AGPAT1: variants seen among roughly 807,000 people sequenced by gnomAD.
AGPAT1 encodes the protein 1-acyl-sn-glycerol-3-phosphate acyltransferase alpha.
Under a neutral mutation model 31.2 loss-of-function variants are expected in AGPAT1, and 6 were observed. The observed-to-expected ratio is 0.19, with a 90% CI of 0.11 to 0.38. The LOEUF (loss-of-function observed/expected upper bound fraction) is 0.38, where lower values mean the gene tolerates loss of function less well. Among genes scored for constraint, AGPAT1 ranks in the 10% least tolerant of loss-of-function variants. The pLI is 1.00. For synonymous variants in AGPAT1, 139 were observed against 154.0 expected (o/e 0.90, Z 0.72); for missense variants, 187 against 377.8 (o/e 0.49, Z 4.19).
chr6:32,169,488 G>C lies in AGPAT1; in HGVS notation c.680-40C>G. On this transcript the variant is annotated intron_variant, in intron 6 of 6. Transcript: ENST00000375107. This position sits in a 1 kb window ranked among gnomAD's most constrained non-coding sequence, Gnocchi z 5.9. ...GCACCATCATGGCCTGTCCACCCAG[G>C]TCTTTGCCCACAGGTGGGGCCCAGC... The C allele has an allele frequency of 1.2e-6, 2 of 1,603,284 alleles. No individual in the cohort carries two copies. The highest frequency in any genetic ancestry group is 1.1e-5 in the South Asian group (1 of 90,876).
Position 32,170,103 on chromosome 6 carries a change from C to G in AGPAT1, c.606+62G>C, listed in dbSNP as rs770861940. 9 of 1,610,004 alleles carry G rather than the reference C, an allele frequency of 5.6e-6. No homozygotes were observed. In the East Asian group the frequency reaches 2.0e-4, roughly 36 times the overall value. Reference sequence around the variant, plus strand: ...CAGAGACTCCTACAATAAGCCCCTGCCCAGAGATGAGGGAATGGTGGGGGT... The same window carrying G: ...CAGAGACTCCTACAATAAGCCCCTGGCCAGAGATGAGGGAATGGTGGGGGT... On this transcript the variant is annotated intron_variant, in intron 5 of 6. Transcript: ENST00000375107. This position sits in a 1 kb window ranked among gnomAD's most constrained non-coding sequence, Gnocchi z 7.7.
rs113692919 is a variant in AGPAT1 at position 32,175,066 on chromosome 6, T to C, written c.-10+748A>G. Among the ~76,000 whole-genome samples the C allele has an allele frequency of 2.0e-5, 3 of 152,304 alleles. No homozygotes were observed. The highest frequency in any genetic ancestry group is 7.2e-5 in the African/African-American group (3 of 41,548). ...GTCAGCCAAAGCAAAATAAGGTATA[T>C]AACCTTCACATGCTGAAATAAACAT... On this transcript the variant is annotated intron_variant, in intron 1 of 6. Transcript: ENST00000375107. The surrounding 1 kb of genome is among the most constrained non-coding windows in gnomAD (Gnocchi z 4.5).
chr6:32,174,401 C>T lies in AGPAT1; in HGVS notation c.-10+1413G>A, dbSNP rs998562054. Among the ~76,000 whole-genome samples the T allele has an allele frequency of 1.3e-5, 2 of 152,282 alleles. No individual in the cohort carries two copies. The highest frequency in any genetic ancestry group is 2.1e-4 in the South Asian group (1 of 4,820). ...TGAATAGATACATGCAATACATAGC[C>T]ATAATGAAGGCAGAGTAACAATAAT... On this transcript the variant is annotated intron_variant, in intron 1 of 6. Coordinates refer to ENST00000375107, the MANE Select transcript of AGPAT1 (RefSeq NM_006411.4). This position sits in a 1 kb window ranked among gnomAD's most constrained non-coding sequence, Gnocchi z 4.5.
In AGPAT1 at chr6:32,170,165, C is replaced by T; in HGVS notation, c.606G>A (p.Gln202=). 6.2e-7 allele frequency: 1 copy of T among 1,614,104 alleles called. No individual in the cohort carries two copies. Among genetic ancestry groups the T allele is most frequent in the Admixed American group, 1.7e-5 (1 of 60,018 alleles). ...TAGCAGAACGAAGAGCAGTAGTCACCTGGGCCTGCACTGCAAGATGGAAGG... is the reference window on the plus strand; with the variant it reads ...TAGCAGAACGAAGAGCAGTAGTCACTTGGGCCTGCACTGCAAGATGGAAGG... ...RGAFHLAVQA[Q]VPIVPIVMSS... The change falls in exon 5 of 7, where the codon CAG becomes CAA. Residue 202 remains glutamine, a splice_region_variant and synonymous_variant. Coordinates refer to ENST00000375107, the MANE Select transcript of AGPAT1 (RefSeq NM_006411.4). This position sits in a 1 kb window ranked among gnomAD's most constrained non-coding sequence, Gnocchi z 7.7.
In AGPAT1 at chr6:32,168,590, G is replaced by C. The variant is rs1385736403; in HGVS notation, c.*686C>G. 1.9e-5 allele frequency: 3 copies of C among 154,574 alleles called. No homozygotes were observed. Among genetic ancestry groups the C allele is most frequent in the Non-Finnish European group, 2.9e-5 (2 of 69,680 alleles). The allele number at this position is 154,574 out of a possible 1,614,324, so 9.6% of individuals were successfully genotyped here. ...GCTGGGTGGGGTCATGTCCACTGAA[G>C]AACTGTACTATGGGGACAGAAAACC... On this transcript the variant is annotated 3_prime_UTR_variant, in exon 7 of 7. Coordinates refer to ENST00000375107, the MANE Select transcript of AGPAT1 (RefSeq NM_006411.4). The surrounding 1 kb of genome is among the most constrained non-coding windows in gnomAD (Gnocchi z 4.5).
At position 32,169,267 on chromosome 6, in the gene AGPAT1, A is replaced by G; in HGVS notation, c.*9T>C. 6.2e-7 allele frequency: 1 copy of G among 1,612,158 alleles called. No homozygotes were observed. Among genetic ancestry groups the G allele is most frequent in the Admixed American group, 1.7e-5 (1 of 59,958 alleles). Reference sequence around the variant, plus strand: ...GGGGACAGATGGGAGGAGAGCTCAGAGCCAGGGTTCACCCACCGCCCCCAG... The same window carrying G: ...GGGGACAGATGGGAGGAGAGCTCAGGGCCAGGGTTCACCCACCGCCCCCAG... On this transcript the variant is annotated 3_prime_UTR_variant, in exon 7 of 7. Transcript: ENST00000375107. The surrounding 1 kb of genome is among the most constrained non-coding windows in gnomAD (Gnocchi z 5.9).
chr6:32,171,599 G>C lies in AGPAT1; in HGVS notation c.-9-94C>G. ...AGGCAGGGCTGGGGGCTGGTGCTAT[G>C]AGGACAAGGGCCTGAGACACAAACT... On this transcript the variant is annotated intron_variant, in intron 1 of 6. Coordinates refer to ENST00000375107, the MANE Select transcript of AGPAT1 (RefSeq NM_006411.4). This position sits in a 1 kb window ranked among gnomAD's most constrained non-coding sequence, Gnocchi z 6.9. The C allele has an allele frequency of 6.7e-7, 1 of 1,482,436 alleles. No homozygotes were observed. The highest frequency in any genetic ancestry group is 9.0e-7 in the Non-Finnish European group (1 of 1,107,922). 91.8% of individuals were successfully genotyped at this position (1,482,436 alleles called of 1,614,324 possible). A position where few individuals can be genotyped will look rare whatever the true frequency, so the allele number is the denominator to read the frequency against.
Position 32,170,773 on chromosome 6 carries a change from C to G in AGPAT1, c.334+164G>C. The G allele has an allele frequency of 8.2e-7, 1 of 1,223,392 alleles. No homozygotes were observed. The highest frequency in any genetic ancestry group is 1.8e-5 in the Admixed American group (1 of 56,448). 75.8% of individuals were successfully genotyped at this position (1,223,392 alleles called of 1,614,324 possible). The stretch of plus-strand genomic sequence containing the variant: ...GGTGACCAAAAGTATATGTAACCTG[C>G]TTATGAGGGCAGTTCTACCCAGGGA... On this transcript the variant is annotated intron_variant, in intron 3 of 6. Transcript: ENST00000375107. This position sits in a 1 kb window ranked among gnomAD's most constrained non-coding sequence, Gnocchi z 7.7.
rs1784809323 is a variant in AGPAT1, at chr6:32,169,047, G to A, written c.*229C>T. 1 of 569,212 alleles carries A rather than the reference G, an allele frequency of 1.8e-6. No individual in the cohort carries two copies. Among genetic ancestry groups the A allele is most frequent in the African/African-American group, 1.9e-5 (1 of 53,590 alleles). 35.3% of individuals were successfully genotyped at this position (569,212 alleles called of 1,614,324 possible). A position where few individuals can be genotyped will look rare whatever the true frequency, so the allele number is the denominator to read the frequency against. ...CCACAGACAAGACAGTAGGAGGTGG[G>A]GGTCAAGAGTGGAGACTGCACCGAG... is the stretch of plus-strand genomic sequence containing the variant. On this transcript the variant is annotated 3_prime_UTR_variant, in exon 7 of 7. Transcript: ENST00000375107. The surrounding 1 kb of genome is among the most constrained non-coding windows in gnomAD (Gnocchi z 5.9).
chr6:32,176,705 C>T (rs538878248), upstream of AGPAT1: 3 of 239,540 alleles, frequency 1.3e-5, no homozygotes, highest in Non-Finnish European at 1.6e-5. Context: ...ATCCCTGACC[C>T]TTTCCTTTTC....
At position 32,170,584 on chromosome 6, in the gene AGPAT1, C is replaced by A. The variant is rs992850711; in HGVS notation, c.351G>T (p.Leu117=). The change falls in exon 4 of 7, where the codon CTG becomes CTT. Residue 117 remains leucine, a synonymous_variant. Transcript: ENST00000375107. The surrounding 1 kb of genome is among the most constrained non-coding windows in gnomAD (Gnocchi z 7.7). ...TGGCAATGGGCACACAGCGGCCTGG[C>A]AGTACCTCCATCATCCCTTGGGCAG... ...SLDLLGMMEV[L]PGRCVPIAKR... is the part of the protein sequence containing the mutation. The A allele has an allele frequency of 1.6e-5, 25 of 1,611,904 alleles. No homozygotes were observed. The highest frequency in any genetic ancestry group is 2.1e-5 in the Non-Finnish European group (25 of 1,180,026).
rs1561854376 is a variant in AGPAT1, at chr6:32,175,659, A to G, written c.-10+155T>C. 6.6e-6 allele frequency among the ~76,000 whole-genome samples: 1 copy of G among 150,534 alleles called. No individual in the cohort carries two copies. Among genetic ancestry groups the G allele is most frequent in the African/African-American group, 2.4e-5 (1 of 40,852 alleles). On this transcript the variant is annotated intron_variant, in intron 1 of 6. Transcript: ENST00000375107. The surrounding 1 kb of genome is among the most constrained non-coding windows in gnomAD (Gnocchi z 4.5). ...TCCTCCCTCTCAGGTCCCCTCTCCT[A>G]TCCCCAGCAACCCTCTTCCCAGTCG...
At position 32,174,357 on chromosome 6, in the gene AGPAT1, G is replaced by A. The variant is rs948373996; in HGVS notation, c.-10+1457C>T. On this transcript the variant is annotated intron_variant, in intron 1 of 6. Coordinates refer to ENST00000375107, the MANE Select transcript of AGPAT1 (RefSeq NM_006411.4). This position sits in a 1 kb window ranked among gnomAD's most constrained non-coding sequence, Gnocchi z 4.5. ...ACTGAGAAAGTAACGAACACACCAAGCCTAATGGTAACCGACTCTGAATAG... is the reference window on the plus strand; with the variant it reads ...ACTGAGAAAGTAACGAACACACCAAACCTAATGGTAACCGACTCTGAATAG... Among the ~76,000 whole-genome samples, 8 of 152,152 alleles carry A rather than the reference G, an allele frequency of 5.3e-5. No individual in the cohort carries two copies. The highest frequency in any genetic ancestry group is 1.3e-4 in the Admixed American group (2 of 15,256).
chr6:32,170,839 G>T lies in AGPAT1; in HGVS notation c.334+98C>A. 6.8e-7 allele frequency: 1 copy of T among 1,478,532 alleles called. No homozygotes were observed. Among genetic ancestry groups the T allele is most frequent in the Non-Finnish European group, 9.3e-7 (1 of 1,080,314 alleles). 91.6% of individuals were successfully genotyped at this position (1,478,532 alleles called of 1,614,324 possible). On this transcript the variant is annotated intron_variant, in intron 3 of 6. Transcript: ENST00000375107. The surrounding 1 kb of genome is among the most constrained non-coding windows in gnomAD (Gnocchi z 7.7). ...GGAGGCAAGGGGGCAATGTCCCAGA[G>T]GAAGGGGAATTGAGGATCTCTAGGA...
chr6:32,170,116 G>T lies in AGPAT1; in HGVS notation c.606+49C>A. 6.2e-7 allele frequency: 1 copy of T among 1,610,588 alleles called. No homozygotes were observed. The highest frequency in any genetic ancestry group is 1.3e-5 in the African/African-American group (1 of 74,960). On this transcript the variant is annotated intron_variant, in intron 5 of 6. Coordinates refer to ENST00000375107, the MANE Select transcript of AGPAT1 (RefSeq NM_006411.4). This position sits in a 1 kb window ranked among gnomAD's most constrained non-coding sequence, Gnocchi z 7.7. ...AATAAGCCCCTGCCCAGAGATGAGG[G>T]AATGGTGGGGGTTGGCAGCTGAGTA...
rs2127410504 is a variant in AGPAT1, at chr6:32,169,303, A to C, written c.825T>G (p.Tyr275Ter). 2 of 1,612,938 alleles carry C rather than the reference A, an allele frequency of 1.2e-6. No homozygotes were observed. Among genetic ancestry groups the C allele is most frequent in the East Asian group, 4.5e-5 (2 of 44,870 alleles). ...ACCCACCGCCCCCAGGCTTCTTCAGATAGTCACCACCACCCCGGCCATCAG... is the reference window on the plus strand; with the variant it reads ...ACCCACCGCCCCCAGGCTTCTTCAGCTAGTCACCACCACCCCGGCCATCAG... Reference protein sequence around the residue: ...ISTDGRGGGDYLKKPGGGG With the variant: ...ISTDGRGGGD The change falls in exon 7 of 7, where the codon TAT becomes TAG. Residue 275 changes from tyrosine (Y) to a stop codon, truncating the protein, a stop_gained. Coordinates refer to ENST00000375107, the MANE Select transcript of AGPAT1 (RefSeq NM_006411.4). LOFTEE classifies it high-confidence loss of function. The surrounding 1 kb of genome is among the most constrained non-coding windows in gnomAD (Gnocchi z 5.9).
Position 32,171,696 on chromosome 6 carries a change from A to T in AGPAT1, c.-9-191T>A. On this transcript the variant is annotated intron_variant, in intron 1 of 6. Coordinates refer to ENST00000375107, the MANE Select transcript of AGPAT1 (RefSeq NM_006411.4). The surrounding 1 kb of genome is among the most constrained non-coding windows in gnomAD (Gnocchi z 6.9). ...GAGGGTGGTGGAGAAAGAGCTCAGG[A>T]CTGCTCTCCCACCACTCTTCCCAAA... The T allele has an allele frequency of 1.4e-6, 1 of 691,454 alleles. No homozygotes were observed. Among genetic ancestry groups the T allele is most frequent in the Non-Finnish European group, 2.4e-6 (1 of 418,748 alleles). The allele number at this position is 691,454 out of a possible 1,614,324, so 42.8% of individuals were successfully genotyped here.
chr6:32,170,273 G>A lies in AGPAT1; in HGVS notation c.511-13C>T. On this transcript the variant is annotated splice_polypyrimidine_tract_variant and intron_variant, in intron 4 of 6. Coordinates refer to ENST00000375107, the MANE Select transcript of AGPAT1 (RefSeq NM_006411.4). This position sits in a 1 kb window ranked among gnomAD's most constrained non-coding sequence, Gnocchi z 7.7. The stretch of plus-strand genomic sequence containing the variant: ...CCCAGACCCTCACCTGGGGGAGAAA[G>A]AGGGTCAAAGAAGACAAATACATAT... The A allele has an allele frequency of 1.2e-6, 2 of 1,610,656 alleles. No homozygotes were observed. Among genetic ancestry groups the A allele is most frequent in the Non-Finnish European group, 1.7e-6 (2 of 1,178,300 alleles).
Position 32,169,801 on chromosome 6 carries a change from G to A in AGPAT1, c.679+165C>T, listed in dbSNP as rs1784902491. On this transcript the variant is annotated intron_variant, in intron 6 of 6. Transcript: ENST00000375107. The surrounding 1 kb of genome is among the most constrained non-coding windows in gnomAD (Gnocchi z 5.9). ...GGACCAAGTGCTACCCATCTGGCAG[G>A]GTATGGTGGGTGCTTAGTAAAGACT... 1.5e-6 allele frequency: 1 copy of A among 676,284 alleles called. No individual in the cohort carries two copies. The highest frequency in any genetic ancestry group is 1.8e-5 in the South Asian group (1 of 55,182). The allele number at this position is 676,284 out of a possible 1,614,324, so 41.9% of individuals were successfully genotyped here.
Sources: gnomAD v4.1 joint callset for allele counts (sites outside exome capture counted in the v4.1 genomes callset) on GRCh38, gnomAD v4.1.1 for gene constraint, Gnocchi (gnomAD v3.1) non-coding constraint, MANE v1.5 for transcripts, NCBI Gene and HGNC (gene_info 2026-07-23, HGNC 2026-07-21) for gene names.